The following DENND5B variants were observed in gnomAD, a reference collection of about 807,000 sequenced individuals.
DENND5B encodes the protein DENN domain containing 5B.
DENND5B carries 34 observed loss-of-function variants against 140.6 expected under a neutral mutation model. The ratio of observed to expected loss-of-function variants is 0.24; its 90% CI spans 0.18 to 0.32. The LOEUF (loss-of-function observed/expected upper bound fraction) is 0.32, where lower values mean the gene tolerates loss of function less well. Ranked by LOEUF, DENND5B falls within the 10% of genes least tolerant of loss-of-function variation. The pLI, the probability that DENND5B is intolerant of heterozygous loss-of-function variation, is 1.00. For missense variants in DENND5B, 1,142 were observed against 1,560.2 expected (o/e 0.73, Z 4.52); for synonymous variants, 551 against 562.1 (o/e 0.98, Z 0.28).
At chr12:31,504,665 T>C (rs1947126157) in intron 1 of DENND5B, among the ~76,000 whole-genome samples, 2 of 152,200 alleles carry the variant, frequency 1.3e-5, no homozygotes, top group South Asian at 4.1e-4. Context: ...ACTTCCATCA[T>C]AGCCTGTTTG....
At chr12:31,506,596 CT>C (rs1167363972) in intron 1 of DENND5B, among the ~76,000 whole-genome samples, 1 of 152,212 alleles carries the variant, frequency 6.6e-6, no homozygotes, top group Non-Finnish European at 1.5e-5. Flanking sequence ...ACCAGCCACA[CT>C]TTGGAAGTCC....
chr12:31,552,095 C>A (rs528532038), intron 1 of DENND5B, among the ~76,000 whole-genome samples: 85 of 152,236 alleles, frequency 5.6e-4, no homozygotes, highest in African/African-American at 1.8e-3. Context: ...GAACTTCCAA[C>A]ACTATGTTGA....
intron 1 of DENND5B, among the ~76,000 whole-genome samples, chr12:31,516,884 A>G (rs991079625): frequency 2.0e-5 from 3 of 152,100 alleles, no homozygotes; most frequent in Non-Finnish European, 4.4e-5. Flanking sequence ...GGCTGCAGTG[A>G]GCCCTGATCG....
At position 31,579,572 on chromosome 12, in the gene DENND5B, A is replaced by T. The variant is rs1950141065; in HGVS notation, c.127+11134T>A. 4.6e-5 allele frequency among the ~76,000 whole-genome samples: 7 copies of T among 152,058 alleles called. 1 individual carries two copies. In the South Asian group the frequency reaches 1.5e-3, roughly 32 times the overall value. ...GCTACTTGGGAGGCTGAGGCAGGAG[A>T]ATCACTTGAACCCAGGAGGCAGATA... On this transcript the variant is annotated intron_variant, in intron 1 of 20. Transcript: ENST00000389082.
chr12:31,402,332 T>C (rs1335573083), intron 15 of DENND5B, among the ~76,000 whole-genome samples, 166 bp downstream of exon 15: 4 of 152,164 alleles, frequency 2.6e-5, no homozygotes, highest in Non-Finnish European at 5.9e-5. Flanking sequence ...AATTAGTATA[T>C]AAGCTGCTTA....
At chr12:31,389,203 AAAAGT>A in intron 20 of DENND5B, 116 bp downstream of exon 20, 1 of 981,646 alleles carries the variant, frequency 1.0e-6, no homozygotes, top group African/African-American at 1.7e-5. Context: ...TTTCAAAAGA[AAAAGT>A]AAAAGGAAAG....
intron 11 of DENND5B, among the ~76,000 whole-genome samples, chr12:31,420,839 T>C (rs1192139134): frequency 6.6e-6 from 1 of 152,172 alleles, no homozygotes; most frequent in Non-Finnish European, 1.5e-5. Flanking sequence ...TTCTCTGAAA[T>C]AGGATTTCAA....
intron 1 of DENND5B, chr12:31,500,462 T>C: frequency 4.5e-6 from 2 of 440,322 alleles, no homozygotes; most frequent in South Asian, 1.6e-5. Context: ...GGTGAATTGC[T>C]TGAGGTCAGG....
chr12:31,434,652 A>G (rs1943661958), intron 7 of DENND5B, among the ~76,000 whole-genome samples: 1 of 152,074 alleles, frequency 6.6e-6, no homozygotes, highest in South Asian at 2.1e-4. Flanking sequence ...ATCCTTAATC[A>G]CTCCTTTCTA....
At chr12:31,474,528 A>G (rs1396347433) in intron 3 of DENND5B, among the ~76,000 whole-genome samples, 3 of 152,234 alleles carry the variant, frequency 2.0e-5, no homozygotes, top group African/African-American at 7.2e-5. Context: ...CCTAAATAAC[A>G]GATTGAATTG....
intron 7 of DENND5B, 113 bp downstream of exon 7, chr12:31,442,662 A>G: frequency 8.6e-7 from 1 of 1,164,796 alleles, no homozygotes; most frequent in East Asian, 2.7e-5. Context: ...TGTGGTCATG[A>G]AAAAAGTAAT....
At chr12:31,485,026 G>A (rs1946241052) in intron 2 of DENND5B, among the ~76,000 whole-genome samples, 1 of 152,136 alleles carries the variant, frequency 6.6e-6, no homozygotes, top group African/African-American at 2.4e-5. Context: ...AAAGGTCACG[G>A]TCACTGTTTG....
At position 31,423,469 on chromosome 12, in the gene DENND5B, T is replaced by TA. The variant is rs1357819157; in HGVS notation, c.2470+127dup. The TA allele has an allele frequency of 4.3e-6, 4 of 924,186 alleles. No homozygotes were observed. In the African/African-American group the frequency reaches 6.6e-5, roughly 15 times the overall value. The allele number at this position is 924,186 out of a possible 1,614,324, so 57.2% of individuals were successfully genotyped here. On this transcript the variant is annotated intron_variant, in intron 11 of 20. Transcript: ENST00000389082. ...AGTTAGTAAGTAATATTGCTCCTTC[T>TA]ACTTTATCCCATTATTGGCAAAATG...
intron 4 of DENND5B, among the ~76,000 whole-genome samples, chr12:31,459,029 A>G (rs972291593): frequency 1.4e-4 from 21 of 152,056 alleles, no homozygotes; most frequent in African/African-American, 5.1e-4. Flanking sequence ...CCTGACCAAC[A>G]TGAAGAAAAC....
chr12:31,395,135 T>C (rs1328102598), intron 17 of DENND5B, among the ~76,000 whole-genome samples: 2 of 152,112 alleles, frequency 1.3e-5, no homozygotes, highest in Non-Finnish European at 2.9e-5. Context: ...TGTAGATATA[T>C]GTATTCATTT....
At position 31,386,260 on chromosome 12, in the gene DENND5B, T is replaced by C. The variant is rs1259087252; in HGVS notation, c.*1343A>G. ...TGCTAAAAATGTACAAATGCCTAAT[T>C]AGAGTTACAGGACCTACCAGAAGAT... is the stretch of plus-strand genomic sequence containing the variant. On this transcript the variant is annotated 3_prime_UTR_variant, in exon 21 of 21. Transcript: ENST00000389082. 6.5e-6 allele frequency: 1 copy of C among 154,856 alleles called. No individual in the cohort carries two copies. The highest frequency in any genetic ancestry group is 1.5e-5 in the Non-Finnish European group (1 of 68,216). 9.6% of individuals were successfully genotyped at this position (154,856 alleles called of 1,614,324 possible).
chr12:31,446,031 G>C (rs1944261834), intron 6 of DENND5B, among the ~76,000 whole-genome samples: 1 of 151,738 alleles, frequency 6.6e-6, no homozygotes, highest in African/African-American at 2.4e-5. Context: ...AAAAATTCGT[G>C]AACACCTGGC....
intron 2 of DENND5B, among the ~76,000 whole-genome samples, chr12:31,480,841 C>T (rs1303165016): frequency 6.6e-6 from 1 of 152,042 alleles, no homozygotes; most frequent in South Asian, 2.1e-4. Context: ...AAATTGAAAG[C>T]TTTTTGATCT....
intron 7 of DENND5B, among the ~76,000 whole-genome samples, chr12:31,439,927 C>A: frequency 4.8e-5 from 1 of 20,826 alleles, no homozygotes; most frequent in Non-Finnish European, 7.3e-5. Flanking sequence ...GAGACTCCGT[C>A]TCAAAAAAAA....
Sources: gnomAD v4.1 joint callset for allele counts (sites outside exome capture counted in the v4.1 genomes callset) on GRCh38, gnomAD v4.1.1 for gene constraint, MANE v1.5 for transcripts, NCBI Gene and HGNC (gene_info 2026-07-23, HGNC 2026-07-21) for gene names.